BPIFA3: variants seen among roughly 807,000 people sequenced by gnomAD.
The protein encoded by BPIFA3 is BPI fold-containing family A member 3.
Under a neutral mutation model 29.7 loss-of-function variants are expected in BPIFA3, and 32 were observed. The ratio of observed to expected loss-of-function variants is 1.08; its 90% CI spans 0.81 to 1.45. The LOEUF is 1.45. Ranked by LOEUF, BPIFA3 falls within the 40% of genes most tolerant of loss-of-function variation. BPIFA3 has a pLI of 0.00. For synonymous variants in BPIFA3, 112 were observed against 113.7 expected, an observed-to-expected ratio of 0.98 and a Z score of 0.10; for missense variants, 323 against 311.3, an observed-to-expected ratio of 1.04 and a Z score of -0.28.
chr20:33,217,896 A>G (rs1414085287), intron 1 of BPIFA3, among the ~76,000 whole-genome samples: 1 of 152,040 alleles, frequency 6.6e-6, no homozygotes, highest in East Asian at 1.9e-4. Context: ...TTATTTTCTT[A>G]TTTTCCCCCT....
chr20:33,221,213 G>A (rs944215424), intron 1 of BPIFA3, among the ~76,000 whole-genome samples: 1 of 151,002 alleles, frequency 6.6e-6, no homozygotes, highest in Admixed American at 6.6e-5. Context: ...ACAGTGGCGG[G>A]ATCTCAGCTC....
chr20:33,221,748 GT>G (rs967492714), intron 1 of BPIFA3, among the ~76,000 whole-genome samples: 1 of 152,118 alleles, frequency 6.6e-6, no homozygotes, highest in African/African-American at 2.4e-5. Flanking sequence ...GGTTATGAAT[GT>G]TTTCTATTTT....
chr20:33,225,384 T>G (rs1568625120), intron 4 of BPIFA3, 137 bp downstream of exon 4: 2 of 1,278,718 alleles, frequency 1.6e-6, no homozygotes, highest in East Asian at 2.5e-5. Context: ...CCTCCTCCCA[T>G]GTTCCCATCC....
intron 1 of BPIFA3, among the ~76,000 whole-genome samples, chr20:33,220,146 C>T (rs570491764): frequency 6.7e-6 from 1 of 150,320 alleles, no homozygotes; most frequent in South Asian, 2.1e-4. Flanking sequence ...CGCCTGTAAT[C>T]CCAGCACTTT....
At chr20:33,226,583 T>A in intron 5 of BPIFA3, 93 bp downstream of exon 5, 1 of 893,048 alleles carries the variant, frequency 1.1e-6, no homozygotes, top group Non-Finnish European at 1.8e-6. Flanking sequence ...ATTTCAAACA[T>A]TGGATTTTAG....
At position 33,223,964 on chromosome 20, in the gene BPIFA3, G is replaced by A; in HGVS notation, c.278+3G>A. 6.2e-7 allele frequency: 1 copy of A among 1,613,772 alleles called. No homozygotes were observed. Reference sequence around the variant, plus strand: ...CACCAGCAGCAGCAAGAGAGCAGGTGAGACCCTGAGTTCTATCCGTGGCCC... The same window carrying A: ...CACCAGCAGCAGCAAGAGAGCAGGTAAGACCCTGAGTTCTATCCGTGGCCC... On this transcript the variant is annotated splice_donor_region_variant and intron_variant, in intron 2 of 6. Coordinates refer to ENST00000375454, the MANE Select transcript of BPIFA3 (RefSeq NM_178466.5).
Position 33,226,475 on chromosome 20 carries a change from C to T in BPIFA3, c.606C>T (p.His202=), listed in dbSNP as rs1400567410. ...AGAATCTGCAAAAAGTTCTCCCACA[C>T]ATGGTAGAAAGTCAGGTAAGTTTAG... ...LKENLQKVLP[H]MVESQVCPLI... is the part of the protein sequence containing the mutation. Residue 202 remains histidine (H), a synonymous_variant, in exon 5 of 7, where the codon CAC becomes CAT. Coordinates refer to ENST00000375454, the MANE Select transcript of BPIFA3 (RefSeq NM_178466.5). The T allele has an allele frequency of 1.9e-6, 3 of 1,607,536 alleles. No homozygotes were observed. The highest frequency in any genetic ancestry group is 2.2e-5 in the South Asian group (2 of 90,138).
At chr20:33,220,498 T>C (rs563146836) in intron 1 of BPIFA3, among the ~76,000 whole-genome samples, 58 of 152,328 alleles carry the variant, frequency 3.8e-4, no homozygotes, top group African/African-American at 1.4e-3. Context: ...ATTTAGTGTA[T>C]CTTTCCATTT....
chr20:33,217,760 G>T, intron 1 of BPIFA3, 97 bp downstream of exon 1: 1 of 1,405,980 alleles, frequency 7.1e-7, no homozygotes. Flanking sequence ...GTGACTTCAG[G>T]TTAGTCACTT....
chr20:33,223,834 C>T lies in BPIFA3; in HGVS notation c.151C>T (p.His51Tyr), dbSNP rs866768394. Residue 51 changes from histidine to tyrosine, a missense_variant, in exon 2 of 7, where the codon CAC becomes TAC. His to Tyr is a moderately conservative substitution (Grantham distance 83). Transcript: ENST00000375454. ...ARIIAQGLIK[H>Y]NAESRIQNIH... ...AGTTATTGCTCAGGGCCTCATAAAG[C>T]ACAACGCAGAAAGCCGAATTCAGAA... The T allele has an allele frequency of 5.0e-6, 8 of 1,613,894 alleles. No homozygotes were observed. The highest frequency in any genetic ancestry group is 5.9e-6 in the Non-Finnish European group (7 of 1,179,886).
intron 1 of BPIFA3, among the ~76,000 whole-genome samples, chr20:33,221,149 A>ATTT (rs11468471): frequency 7.2e-6 from 1 of 138,476 alleles, no homozygotes; most frequent in African/African-American, 2.5e-5. Context: ...GTACTGTTAG[A>ATTT]TTTTTTTTTT....
At chr20:33,222,300 G>A (rs531787770) in intron 1 of BPIFA3, among the ~76,000 whole-genome samples, 2 of 152,286 alleles carry the variant, frequency 1.3e-5, no homozygotes, top group East Asian at 1.9e-4. Flanking sequence ...GGCCATTGGC[G>A]CTATAGGCTG....
chr20:33,218,749 G>A (rs186013336), intron 1 of BPIFA3, among the ~76,000 whole-genome samples: 10 of 151,544 alleles, frequency 6.6e-5, no homozygotes, highest in East Asian at 1.9e-4. Context: ...AAAGACAGTC[G>A]CACTGGGGGA....
intron 1 of BPIFA3, 133 bp downstream of exon 1, chr20:33,217,796 C>T: frequency 8.6e-7 from 1 of 1,166,414 alleles, no homozygotes; most frequent in Non-Finnish European, 1.2e-6. Flanking sequence ...TCTTAGACCT[C>T]AAGTACAGAA....
At chr20:33,222,817 T>C (rs930250257) in intron 1 of BPIFA3, among the ~76,000 whole-genome samples, 6 of 152,246 alleles carry the variant, frequency 3.9e-5, no homozygotes, top group Non-Finnish European at 7.3e-5. Context: ...GGCATACCTA[T>C]AGGTTCACTC....
intron 1 of BPIFA3, among the ~76,000 whole-genome samples, chr20:33,222,906 G>A (rs1010664556): frequency 2.0e-5 from 3 of 152,112 alleles, no homozygotes; most frequent in Admixed American, 6.5e-5. Context: ...GACCAGCTTG[G>A]GGCCTGACAC....
chr20:33,222,059 T>C (rs1433630432), intron 1 of BPIFA3, among the ~76,000 whole-genome samples: 3 of 152,218 alleles, frequency 2.0e-5, no homozygotes, highest in Admixed American at 6.5e-5. Context: ...TATTATCAGT[T>C]AGAGTACTTA....
Position 33,223,950 on chromosome 20 carries a change from G to C in BPIFA3, c.267G>C (p.Gln89His). 6.2e-7 allele frequency: 1 copy of C among 1,614,076 alleles called. No homozygotes were observed. Among genetic ancestry groups the C allele is most frequent in the Non-Finnish European group, 8.5e-7 (1 of 1,180,012 alleles). Residue 89 changes from glutamine to histidine, a missense_variant, in exon 2 of 7, where the codon CAG becomes CAC. Physicochemically the swap from Gln to His is conservative, Grantham distance 24. Transcript: ENST00000375454. ...WLISGRKHQQQQESSINITNI... is the reference protein window; with the variant it reads ...WLISGRKHQQHQESSINITNI... ...TCAGCGGCAGGAAACACCAGCAGCAGCAAGAGAGCAGGTGAGACCCTGAGT... is the reference window on the plus strand; with the variant it reads ...TCAGCGGCAGGAAACACCAGCAGCACCAAGAGAGCAGGTGAGACCCTGAGT...
chr20:33,217,579 C>T lies in BPIFA3; in HGVS notation c.43C>T (p.Leu15=). The T allele has an allele frequency of 6.2e-7, 1 of 1,614,216 alleles. No homozygotes were observed. Among genetic ancestry groups the T allele is most frequent in the Non-Finnish European group, 8.5e-7 (1 of 1,180,030 alleles). ...LWRLLIFLGL[L]ALPLAPHKQP... is the part of the protein sequence containing the mutation. Reference sequence around the variant, plus strand: ...GAGGCTCCTCATCTTCCTCGGGTTGCTGGCCTTGCCCTTGGCACCACACAA... The same window carrying T: ...GAGGCTCCTCATCTTCCTCGGGTTGTTGGCCTTGCCCTTGGCACCACACAA... Residue 15 remains leucine, a synonymous_variant, in exon 1 of 7, where the codon CTG becomes TTG. Transcript: ENST00000375454.
Sources: allele counts gnomAD v4.1 joint callset (sites outside exome capture counted in the v4.1 genomes callset), GRCh38; gene constraint gnomAD v4.1.1; transcripts MANE v1.5; gene names NCBI Gene and HGNC (gene_info 2026-07-23, HGNC 2026-07-21).